Variants in DNAH9 observed in about 807,000 individuals in gnomAD.
DNAH9 encodes dynein axonemal heavy chain 9.
A neutral mutation model predicts 471.6 loss-of-function variants in DNAH9; 345 were observed. That is an observed-to-expected ratio of 0.73 (90% CI 0.67 to 0.80). DNAH9 has a LOEUF of 0.80. Ranked by LOEUF, DNAH9 falls within the 30% of genes least tolerant of loss-of-function variation. The pLI is 0.00. For synonymous variants in DNAH9, 2,093 were observed against 2,123.6 expected (o/e 0.99, Z 0.40); for missense variants, 5,407 against 5,609.2 (o/e 0.96, Z 1.15).
At chr17:11,771,106 TTTTAAG>T (rs1968187565) in intron 38 of DNAH9, among the ~76,000 whole-genome samples, 1 of 152,316 alleles carries the variant, frequency 6.6e-6, no homozygotes, top group South Asian at 2.1e-4. Flanking sequence ...ATTTACTTAA[TTTTAAG>T]TTTATCTATA....
intron 1 of DNAH9, among the ~76,000 whole-genome samples, chr17:11,605,416 C>A (rs191534429): frequency 6.6e-6 from 1 of 152,238 alleles, no homozygotes; most frequent in Admixed American, 6.5e-5. Flanking sequence ...TAGAAAAGTA[C>A]CAGCACATAA....
intron 41 of DNAH9, among the ~76,000 whole-genome samples, chr17:11,786,492 C>T (rs147350391): frequency 1.8e-4 from 27 of 152,232 alleles, no homozygotes; most frequent in African/African-American, 5.3e-4. Flanking sequence ...TAATAATAGC[C>T]AACATTGACT....
In DNAH9 at chr17:11,759,554, G is replaced by A. The variant is rs143325710; in HGVS notation, c.6995+1862G>A. 6.8e-3 allele frequency among the ~76,000 whole-genome samples: 688 copies of A among 101,100 alleles called. 4 individuals are homozygous for A. Among genetic ancestry groups the A allele is most frequent in the African/African-American group, 0.024 (670 of 27,788 alleles). 66.3% of individuals were successfully genotyped at this position (101,100 alleles called of 152,430 possible). ...TTTTTTTTTTTTGAGTCGTTGTCTC[G>A]CTCTGTCACCCAGGCTGGAGTGCAG... On this transcript the variant is annotated intron_variant, in intron 35 of 68. Coordinates refer to ENST00000262442, the MANE Select transcript of DNAH9 (RefSeq NM_001372.4).
intron 19 of DNAH9, among the ~76,000 whole-genome samples, chr17:11,688,551 T>C (rs2150750983): frequency 1.3e-5 from 2 of 152,340 alleles, no homozygotes; most frequent in South Asian, 2.1e-4. Flanking sequence ...CTGAAGCTGA[T>C]GCAGGCACCA....
intron 35 of DNAH9, among the ~76,000 whole-genome samples, chr17:11,762,882 C>G (rs1967772191): frequency 1.3e-5 from 2 of 150,384 alleles, no homozygotes; most frequent in African/African-American, 4.9e-5. Flanking sequence ...CGGGTTCACG[C>G]CATTCTTCTG....
At chr17:11,850,650 CAA>C (rs35966472) in intron 49 of DNAH9, among the ~76,000 whole-genome samples, 50 of 139,606 alleles carry the variant, frequency 3.6e-4, no homozygotes, top group Middle Eastern at 3.6e-3. Flanking sequence ...GACTCCATGT[CAA>C]AAAAAAAAAA....
chr17:11,617,025 C>A (rs898430784), intron 4 of DNAH9, among the ~76,000 whole-genome samples: 1 of 152,196 alleles, frequency 6.6e-6, no homozygotes, highest in African/African-American at 2.4e-5. Flanking sequence ...AGAGAGGTTA[C>A]ACGTGCCCAA....
At chr17:11,893,797 G>T (rs1011816775) in intron 58 of DNAH9, among the ~76,000 whole-genome samples, 1 of 152,144 alleles carries the variant, frequency 6.6e-6, no homozygotes, top group Non-Finnish European at 1.5e-5. Flanking sequence ...GTTGACAGGT[G>T]CAGCAAACCA....
rs561765015 is a variant in DNAH9, at chr17:11,952,386, G to A, written c.12844-9481G>A. ...TTTCCCAGGCTGGTTTCACACTCCC[G>A]GGCTCAAAGTGCTCCTCCTGCCTTG... On this transcript the variant is annotated intron_variant, in intron 67 of 68. Transcript: ENST00000262442. Among the ~76,000 whole-genome samples the A allele has an allele frequency of 3.8e-5, 5 of 131,722 alleles. No homozygotes were observed. The East Asian group carries it at 6.9e-4, about 18-fold the overall frequency. 86.4% of individuals were successfully genotyped at this position (131,722 alleles called of 152,430 possible). A position where few individuals can be genotyped will look rare whatever the true frequency, so the allele number is the denominator to read the frequency against.
intron 41 of DNAH9, among the ~76,000 whole-genome samples, chr17:11,786,358 T>A (rs1428833512): frequency 6.6e-6 from 1 of 151,802 alleles, no homozygotes; most frequent in Non-Finnish European, 1.5e-5. Flanking sequence ...AAAAAAAAAA[T>A]TCTCGTGGAA....
At chr17:11,716,300 C>T (rs939053560) in intron 26 of DNAH9, among the ~76,000 whole-genome samples, 5 of 151,996 alleles carry the variant, frequency 3.3e-5, no homozygotes, top group African/African-American at 4.8e-5. Context: ...AGGCTGGTCT[C>T]GAACTCCTGA....
At chr17:11,868,937 G>A (rs1352830625) in intron 50 of DNAH9, among the ~76,000 whole-genome samples, 197 bp from the exon 51 acceptor site, 1 of 152,098 alleles carries the variant, frequency 6.6e-6, no homozygotes, top group East Asian at 1.9e-4. Flanking sequence ...CCAAGATGAA[G>A]TCCTTGCTAG....
At chr17:11,895,487 G>A (rs1234747135) in intron 59 of DNAH9, among the ~76,000 whole-genome samples, 1 of 152,122 alleles carries the variant, frequency 6.6e-6, no homozygotes, top group Non-Finnish European at 1.5e-5. Context: ...TTATTAAAAT[G>A]GTTTATTTTG....
At chr17:11,738,296 A>G (rs1270088034) in intron 28 of DNAH9, among the ~76,000 whole-genome samples, 2 of 152,206 alleles carry the variant, frequency 1.3e-5, no homozygotes, top group African/African-American at 4.8e-5. Flanking sequence ...GAGAACCCAC[A>G]TTCAGGGAGT....
At chr17:11,911,767 TTTG>T (rs1281545925) in intron 61 of DNAH9, among the ~76,000 whole-genome samples, 1 of 152,154 alleles carries the variant, frequency 6.6e-6, no homozygotes, top group African/African-American at 2.4e-5. Flanking sequence ...TTAACTATGT[TTTG>T]TTGTTTTTAG....
intron 56 of DNAH9, 114 bp from the exon 57 acceptor site, chr17:11,886,711 C>T (rs867935937): frequency 6.0e-6 from 8 of 1,337,470 alleles, no homozygotes; most frequent in Middle Eastern, 2.7e-4. Context: ...ATCCCCATCC[C>T]TCTTCACTCC....
chr17:11,794,380 G>A (rs1055807252), intron 42 of DNAH9, among the ~76,000 whole-genome samples: 3 of 152,084 alleles, frequency 2.0e-5, no homozygotes, highest in Admixed American at 6.6e-5. Flanking sequence ...TTTGAAACTT[G>A]GAACATTTGA....
intron 43 of DNAH9, among the ~76,000 whole-genome samples, chr17:11,804,459 G>T (rs999975009): frequency 6.6e-5 from 10 of 152,236 alleles, no homozygotes; most frequent in Non-Finnish European, 8.8e-5. Flanking sequence ...TGAAAAGCAG[G>T]CAATGGGCAT....
chr17:11,640,431 C>A, intron 10 of DNAH9, 47 bp downstream of exon 10: 2 of 1,244,156 alleles, frequency 1.6e-6, no homozygotes, highest in South Asian at 1.2e-5. Flanking sequence ...GGCTGCTGTT[C>A]CTGCTCTAGA....
Sources: gnomAD v4.1 joint callset for allele counts (sites outside exome capture counted in the v4.1 genomes callset) on GRCh38, gnomAD v4.1.1 for gene constraint, MANE v1.5 for transcripts, NCBI Gene and HGNC (gene_info 2026-07-23, HGNC 2026-07-21) for gene names.